APBB2: variants seen among roughly 807,000 people sequenced by gnomAD.
APBB2 encodes amyloid beta precursor protein binding family B member 2, also known as Fe65-like 1.
Under a neutral mutation model 82.5 loss-of-function variants are expected in APBB2, and 38 were observed. The observed-to-expected ratio is 0.46, with a 90% confidence interval of 0.36 to 0.60. The LOEUF (loss-of-function observed/expected upper bound fraction) is 0.60. APBB2 is among the 20% of genes least tolerant of loss of function. The probability of loss-of-function intolerance (pLI) is 0.00; values close to 1 mark genes in which losing one functional copy is unlikely to be tolerated. For missense variants in APBB2, 772 were observed against 972.3 expected, an observed-to-expected ratio of 0.79 and a Z score of 2.74; for synonymous variants, 341 against 368.2, an observed-to-expected ratio of 0.93 and a Z score of 0.85.
intron 3 of APBB2, among the ~76,000 whole-genome samples, chr4:41,086,627 A>C (rs1011611028): frequency 9.8e-5 from 15 of 152,340 alleles, no homozygotes; most frequent in African/African-American, 3.6e-4. Flanking sequence ...TTTCATGATA[A>C]AAAACATTCA....
chr4:40,957,393 T>A (rs746157173), intron 6 of APBB2, among the ~76,000 whole-genome samples: 1 of 152,128 alleles, frequency 6.6e-6, no homozygotes, highest in Non-Finnish European at 1.5e-5. Context: ...ACATGTCAAT[T>A]TAGAAATGAT....
At chr4:40,857,256 G>A in intron 12 of APBB2, 4 of 852,346 alleles carry the variant, frequency 4.7e-6, no homozygotes, top group Non-Finnish European at 5.6e-6. Flanking sequence ...CCACCCGGCC[G>A]CACTCCCGTG....
At chr4:41,203,404 T>A (rs61343402) in intron 1 of APBB2, among the ~76,000 whole-genome samples, 15,997 of 152,220 alleles carry the variant, frequency 0.11, 1,271 homozygotes, top group African/African-American at 0.23. Flanking sequence ...AGGCATTTTT[T>A]GAAAATGACA....
At chr4:41,073,172 G>C (rs1185481897) in intron 3 of APBB2, among the ~76,000 whole-genome samples, 1 of 151,916 alleles carries the variant, frequency 6.6e-6, no homozygotes, top group Non-Finnish European at 1.5e-5. Context: ...TATTTCCACA[G>C]AACATTCTTC....
At chr4:41,012,178 T>C (rs1218139966) in intron 6 of APBB2, among the ~76,000 whole-genome samples, 1 of 152,144 alleles carries the variant, frequency 6.6e-6, no homozygotes, top group Non-Finnish European at 1.5e-5. Flanking sequence ...AGTTTAAAAC[T>C]TAACTACAAC....
At position 40,826,401 on chromosome 4, in the gene APBB2, C is replaced by T. The variant is rs947929733; in HGVS notation, c.1733-431G>A. 1.3e-5 allele frequency among the ~76,000 whole-genome samples: 2 copies of T among 151,422 alleles called. No homozygotes were observed. The highest frequency in any genetic ancestry group is 6.6e-5 in the Admixed American group (1 of 15,182). On this transcript the variant is annotated intron_variant, in intron 14 of 17. Transcript: ENST00000508593. This position sits in a 1 kb window ranked among gnomAD's most constrained non-coding sequence, Gnocchi z 4.5. ...TTTTTTTTTTTAGAGACAAGAGTCT[C>T]GCTCTGTTGCCCAGGCTGGAGTGCA...
chr4:40,941,650 GA>G (rs1296081094), intron 7 of APBB2, among the ~76,000 whole-genome samples: 10 of 152,212 alleles, frequency 6.6e-5, no homozygotes, highest in Non-Finnish European at 1.3e-4. Context: ...TGTTTTAAGA[GA>G]CAGGGTTTTA....
At chr4:41,062,648 G>A (rs992680523) in intron 4 of APBB2, among the ~76,000 whole-genome samples, 4 of 152,128 alleles carry the variant, frequency 2.6e-5, no homozygotes, top group South Asian at 2.1e-4. Flanking sequence ...TTCCAGGGAA[G>A]GGCATTTCAG....
intron 2 of APBB2, among the ~76,000 whole-genome samples, chr4:41,131,192 C>T (rs1755866355): frequency 6.6e-6 from 1 of 152,160 alleles, no homozygotes; most frequent in Non-Finnish European, 1.5e-5. Context: ...ACAGCAGAAG[C>T]GAGAAGCTGA....
At chr4:41,017,729 C>T (rs1457056555) in intron 5 of APBB2, among the ~76,000 whole-genome samples, 1 of 152,092 alleles carries the variant, frequency 6.6e-6, no homozygotes, top group Non-Finnish European at 1.5e-5. Flanking sequence ...CAGATTACCC[C>T]CCACTCTAAT....
intron 1 of APBB2, among the ~76,000 whole-genome samples, chr4:41,146,544 T>A (rs183766468): frequency 2.6e-5 from 4 of 152,220 alleles, no homozygotes; most frequent in Admixed American, 2.6e-4. Flanking sequence ...ATTAAAATAA[T>A]CCTAATCCTT....
intron 12 of APBB2, among the ~76,000 whole-genome samples, chr4:40,874,390 T>C (rs1282983271): frequency 6.6e-6 from 1 of 152,216 alleles, no homozygotes; most frequent in Non-Finnish European, 1.5e-5. Flanking sequence ...TCAGGGATGA[T>C]ATTACCAAAG....
At chr4:40,970,628 G>A (rs898076202) in intron 6 of APBB2, among the ~76,000 whole-genome samples, 4 of 152,250 alleles carry the variant, frequency 2.6e-5, no homozygotes, top group African/African-American at 9.6e-5. Flanking sequence ...TAGTTCTCCC[G>A]AGGGGTACTT....
intron 3 of APBB2, among the ~76,000 whole-genome samples, chr4:41,083,559 G>A (rs910591600): frequency 3.3e-5 from 5 of 151,502 alleles, no homozygotes; most frequent in South Asian, 2.1e-4. Flanking sequence ...ACGGTAGCCC[G>A]CACCTATAGT....
chr4:41,181,942 C>CAA (rs35142945), intron 1 of APBB2, among the ~76,000 whole-genome samples: 7 of 93,868 alleles, frequency 7.5e-5, no homozygotes, highest in South Asian at 7.9e-4. Context: ...GAAACTGTCT[C>CAA]AAAAAAAAAA....
At chr4:40,840,551 C>T (rs1452335875) in intron 12 of APBB2, among the ~76,000 whole-genome samples, 1 of 152,202 alleles carries the variant, frequency 6.6e-6, no homozygotes, top group Non-Finnish European at 1.5e-5. Context: ...TCACTAATTT[C>T]ACAAAGTTCA....
intron 10 of APBB2, among the ~76,000 whole-genome samples, chr4:40,907,147 G>C (rs1776983481): frequency 6.6e-6 from 1 of 151,706 alleles, no homozygotes; most frequent in African/African-American, 2.4e-5. Flanking sequence ...CCATTTCACA[G>C]ATGAGGAAAC....
Position 40,823,608 on chromosome 4 carries a change from T to C in APBB2, c.1932+36A>G, listed in dbSNP as rs146729842. 1,181 of 1,443,910 alleles carry C rather than the reference T, an allele frequency of 8.2e-4. 16 individuals carry two copies. In the African/African-American group the frequency reaches 0.014, roughly 17 times the overall value. The allele number at this position is 1,443,910 out of a possible 1,614,324, so 89.4% of individuals were successfully genotyped here. A position where few individuals can be genotyped will look rare whatever the true frequency, so the allele number is the denominator to read the frequency against. ...ACCACTGTATCTTATACTCACTGTA[T>C]AAGACACACCAATGTCATCGAAGAT... On this transcript the variant is annotated intron_variant, in intron 16 of 17. Coordinates refer to ENST00000508593, the MANE Select transcript of APBB2 (RefSeq NM_004307.2).
At chr4:40,829,168 G>A (rs751691136) in intron 13 of APBB2, among the ~76,000 whole-genome samples, 1 of 152,226 alleles carries the variant, frequency 6.6e-6, no homozygotes, top group Non-Finnish European at 1.5e-5. Context: ...AAATCAGGGG[G>A]TGATGTGGTT....
Sources: allele counts gnomAD v4.1 joint callset (sites outside exome capture counted in the v4.1 genomes callset), GRCh38; gene constraint gnomAD v4.1.1; non-coding constraint Gnocchi (gnomAD v3.1); transcripts MANE v1.5; gene names NCBI Gene and HGNC (gene_info 2026-07-23, HGNC 2026-07-21).